KIAA1671: variants seen among roughly 807,000 people sequenced by gnomAD.
KIAA1671 encodes uncharacterized protein KIAA1671.
KIAA1671 carries 52 observed loss-of-function variants against 131.2 expected under a neutral mutation model. The observed-to-expected ratio is 0.40, with a 90% confidence interval of 0.32 to 0.50. The LOEUF (loss-of-function observed/expected upper bound fraction) is 0.50. KIAA1671 is among the 20% of genes least tolerant of loss of function. The pLI is 0.73. For missense variants in KIAA1671, 2,360 were observed against 2,364.2 expected (o/e 1.00, Z 0.04); for synonymous variants, 1,003 against 961.6 (o/e 1.04, Z -0.80).
At chr22:25,089,513 A>T (rs1212240954) in intron 6 of KIAA1671, among the ~76,000 whole-genome samples, 1 of 151,868 alleles carries the variant, frequency 6.6e-6, no homozygotes, top group East Asian at 1.9e-4. Context: ...ACCTCAGGTG[A>T]TCCACCCGCC....
chr22:25,152,270 A>C (rs1214490787), intron 6 of KIAA1671, among the ~76,000 whole-genome samples: 1 of 152,224 alleles, frequency 6.6e-6, no homozygotes, highest in African/African-American at 2.4e-5. Context: ...TTTTAGCAGT[A>C]GAGTGACTGG....
intron 7 of KIAA1671, among the ~76,000 whole-genome samples, chr22:25,172,574 C>A (rs1167580373): frequency 7.9e-5 from 12 of 152,206 alleles, no homozygotes; most frequent in African/African-American, 2.9e-4. Flanking sequence ...AGAGTAGGCC[C>A]ACTTGTCAGG....
chr22:24,960,192 T>A (rs1020993081), intron 1 of KIAA1671, among the ~76,000 whole-genome samples: 1 of 151,812 alleles, frequency 6.6e-6, no homozygotes, highest in South Asian at 2.1e-4. Flanking sequence ...ATTTCACACG[T>A]GAATTAAAAA....
intron 6 of KIAA1671, chr22:25,112,603 C>A (rs546216867): frequency 1.5e-5 from 6 of 391,436 alleles, no homozygotes; most frequent in African/African-American, 1.0e-4. Context: ...CCAGGCACTT[C>A]CTGTCCCCTG....
intron 6 of KIAA1671, among the ~76,000 whole-genome samples, chr22:25,127,604 A>G (rs1283675503): frequency 6.6e-6 from 1 of 152,134 alleles, no homozygotes. Context: ...TTGATGATCA[A>G]AGCATATTTG....
At chr22:25,001,277 G>T (rs1924468953) in intron 1 of KIAA1671, among the ~76,000 whole-genome samples, 1 of 151,908 alleles carries the variant, frequency 6.6e-6, no homozygotes, top group South Asian at 2.1e-4. Flanking sequence ...ATATGCATGT[G>T]TATGTGTGTG....
intron 6 of KIAA1671, among the ~76,000 whole-genome samples, chr22:25,164,499 T>C (rs1336031121): frequency 6.6e-6 from 1 of 152,256 alleles, no homozygotes; most frequent in Non-Finnish European, 1.5e-5. Context: ...CAGAGCTCTC[T>C]GCCTGCCTTT....
rs374627169 is a variant in KIAA1671 at position 25,032,673 on chromosome 22, T to C, written c.1606T>C (p.Phe536Leu). 78 of 1,546,150 alleles carry C rather than the reference T, an allele frequency of 5.0e-5. 5 individuals are homozygous for C. The African/African-American group carries it at 8.5e-4, about 17-fold the overall frequency. ...GAAGAGTGCTGAGCTGAGCGGCGAGTTTCCTAAGGAACCGAGAGAAAAGGT... is the reference window on the plus strand; with the variant it reads ...GAAGAGTGCTGAGCTGAGCGGCGAGCTTCCTAAGGAACCGAGAGAAAAGGT... ...YEKSAELSGE[F>L]PKEPREKQKE... The change falls in exon 4 of 13, where the codon TTT becomes CTT. Residue 536 changes from phenylalanine to leucine, a missense_variant. Transcript: ENST00000358431.
At chr22:25,153,416 G>C (rs932606140) in intron 6 of KIAA1671, among the ~76,000 whole-genome samples, 1 of 152,266 alleles carries the variant, frequency 6.6e-6, no homozygotes, top group East Asian at 1.9e-4. Flanking sequence ...ACATTGCACA[G>C]GACGGCCCCC....
At chr22:25,188,675 C>T (rs993988828) in intron 11 of KIAA1671, among the ~76,000 whole-genome samples, 5 of 152,050 alleles carry the variant, frequency 3.3e-5, no homozygotes, top group African/African-American at 9.7e-5. Context: ...TATATTCTTA[C>T]AATAAAGTAA....
intron 6 of KIAA1671, among the ~76,000 whole-genome samples, chr22:25,147,759 C>T (rs183430106): frequency 3.4e-4 from 52 of 152,274 alleles, no homozygotes; most frequent in African/African-American, 1.2e-3. Flanking sequence ...GTGATCTGCT[C>T]TGTTCTGTGA....
In KIAA1671 at chr22:25,021,311, C is replaced by T. The variant is rs934295144; in HGVS notation, c.-207-4322C>T. 8.6e-5 allele frequency among the ~76,000 whole-genome samples: 13 copies of T among 151,834 alleles called. No individual in the cohort carries two copies. The South Asian group carries it at 1.0e-3, about 12-fold the overall frequency. On this transcript the variant is annotated intron_variant, in intron 1 of 12. Transcript: ENST00000358431. Reference sequence around the variant, plus strand: ...TGGGCTCAAGTGATCCTCCCACCTCCGCCTCCCAAAGTGCTGGGATTATAG... The same window carrying T: ...TGGGCTCAAGTGATCCTCCCACCTCTGCCTCCCAAAGTGCTGGGATTATAG...
intron 6 of KIAA1671, chr22:25,057,000 C>T (rs1420393196): frequency 2.0e-5 from 3 of 152,132 alleles, no homozygotes; most frequent in Admixed American, 6.5e-5. Flanking sequence ...TCCCATTATC[C>T]GTCTTCATAC....
rs1307671677 is a variant in KIAA1671 at position 25,195,850 on chromosome 22, C to A, written c.*3449C>A. The stretch of plus-strand genomic sequence containing the variant: ...CCAGAGTAAGTGATGGGGAGACATT[C>A]TGTGGTCTCTGAATGTGCCTTCCCC... On this transcript the variant is annotated 3_prime_UTR_variant, in exon 13 of 13. Transcript: ENST00000358431. The A allele has an allele frequency of 6.6e-6, 1 of 152,080 alleles. No individual in the cohort carries two copies. Among genetic ancestry groups the A allele is most frequent in the Non-Finnish European group, 1.5e-5 (1 of 68,006 alleles). 9.4% of individuals were successfully genotyped at this position (152,080 alleles called of 1,614,324 possible). A position where few individuals can be genotyped will look rare whatever the true frequency, so the allele number is the denominator to read the frequency against.
rs139135568 is a variant in KIAA1671, at chr22:25,182,999, T to C, written c.5199+1176T>C. Among the ~76,000 whole-genome samples the C allele has an allele frequency of 1.3e-4, 20 of 152,268 alleles. No homozygotes were observed. In the East Asian group the frequency reaches 3.9e-3, roughly 29 times the overall value. ...TGCCTCCCTCCTCCCCACGTCCAGC[T>C]CTCACAAGTGTCTCTCATAGTCCTG... On this transcript the variant is annotated intron_variant, in intron 10 of 12. Coordinates refer to ENST00000358431, the MANE Select transcript of KIAA1671 (RefSeq NM_001145206.2).
chr22:25,133,517 A>G (rs1272034623), intron 6 of KIAA1671, among the ~76,000 whole-genome samples: 1 of 152,128 alleles, frequency 6.6e-6, no homozygotes, highest in Non-Finnish European at 1.5e-5. Context: ...TATATAGTCA[A>G]TGTTAGTTCC....
intron 1 of KIAA1671, among the ~76,000 whole-genome samples, chr22:24,972,096 T>A (rs1475231450): frequency 6.6e-6 from 1 of 152,092 alleles, no homozygotes; most frequent in Non-Finnish European, 1.5e-5. Flanking sequence ...TAAAACCATA[T>A]AGGATCATTG....
chr22:25,089,871 C>G (rs996489880), intron 6 of KIAA1671, among the ~76,000 whole-genome samples: 1 of 152,006 alleles, frequency 6.6e-6, no homozygotes, highest in Admixed American at 6.6e-5. Flanking sequence ...CTGGCCGTGG[C>G]CTTTCTGGGT....
In KIAA1671 at chr22:25,115,039, C is replaced by G. The variant is rs116362486; in HGVS notation, c.4531-55781C>G. Reference sequence around the variant, plus strand: ...TCAAAGGCGTGCCCTGAAATGTTTTCTAAAGCCAGCCTTGAAGTAATTTGC... The same window carrying G: ...TCAAAGGCGTGCCCTGAAATGTTTTGTAAAGCCAGCCTTGAAGTAATTTGC... On this transcript the variant is annotated intron_variant, in intron 6 of 12. Coordinates refer to ENST00000358431, the MANE Select transcript of KIAA1671 (RefSeq NM_001145206.2). 4.1e-3 allele frequency among the ~76,000 whole-genome samples: 621 copies of G among 152,342 alleles called. 4 individuals carry two copies. Among genetic ancestry groups the G allele is most frequent in the African/African-American group, 0.014 (581 of 41,580 alleles).
Sources: gnomAD v4.1 joint callset for allele counts (sites outside exome capture counted in the v4.1 genomes callset) on GRCh38, gnomAD v4.1.1 for gene constraint, MANE v1.5 for transcripts, NCBI Gene and HGNC (gene_info 2026-07-23, HGNC 2026-07-21) for gene names.